UTY: variants seen among roughly 807,000 people sequenced by gnomAD.
UTY encodes the protein histone demethylase UTY.
A neutral mutation model predicts 32.5 loss-of-function variants in UTY; 12 were observed. That is an observed-to-expected ratio of 0.37 (90% CI 0.24 to 0.60). The LOEUF (loss-of-function observed/expected upper bound fraction) is 0.60, where lower values mean the gene tolerates loss of function less well. UTY is among the 20% of genes least tolerant of loss of function. The pLI, the probability that UTY is intolerant of heterozygous loss-of-function variation, is 0.69. For synonymous variants in UTY, 131 were observed against 103.4 expected (o/e 1.27, Z -1.62); for missense variants, 303 against 299.2 (o/e 1.01, Z -0.09).
chrY:13,273,667 AG>A (rs531475118), intron 27 of UTY, among the ~76,000 whole-genome samples: 1,859 of 32,250 alleles, frequency 0.058, no homozygotes, highest in South Asian at 0.3. Flanking sequence ...ACACAGATAA[AG>A]GGCAGGAACA....
chrY:13,358,126 A>G (rs2063149004), intron 14 of UTY, among the ~76,000 whole-genome samples, 157 bp from the exon 15 acceptor site: 1 of 33,965 alleles, frequency 2.9e-5, no homozygotes, highest in Non-Finnish European at 7.3e-5. Context: ...TAATTAATTC[A>G]TAAACTTACA....
At position 13,302,990 on chromosome Y, in the gene UTY, A is replaced by G; in HGVS notation, c.3567T>C (p.Gly1189=). The G allele has an allele frequency of 3.0e-6, 1 of 332,639 alleles. No homozygotes were observed. The highest frequency in any genetic ancestry group is 4.4e-6 in the Non-Finnish European group (1 of 228,244). The allele number at this position is 332,639 out of a possible 400,897, so 83.0% of individuals were successfully genotyped here. A position where few individuals can be genotyped will look rare whatever the true frequency, so the allele number is the denominator to read the frequency against. Residue 1189 remains glycine, a splice_region_variant and synonymous_variant, in exon 25 of 30, where the codon GGT becomes GGC. Coordinates refer to ENST00000545955, the MANE Select transcript of UTY (RefSeq NM_001258249.2). ...AGCAGAAGTTGTTATTTTCTTGGTG[A>G]CCTGAAAAGTAAAAGAAAATGTAAG... is the stretch of plus-strand genomic sequence containing the variant. ...YMKVPGSRTP[G]HQENNNFCSV... is the part of the protein sequence containing the mutation.
At chrY:13,286,707 C>A (rs2057383364) in intron 27 of UTY, 1 of 365,494 alleles carries the variant, frequency 2.7e-6, no homozygotes, top group Non-Finnish European at 3.9e-6. Flanking sequence ...TCGGCTCTAC[C>A]AAGTAGAATA....
intron 27 of UTY, among the ~76,000 whole-genome samples, chrY:13,282,336 T>A: frequency 3.0e-5 from 1 of 33,002 alleles, no homozygotes; most frequent in South Asian, 7.0e-4. Flanking sequence ...TATTGTTTTA[T>A]ACTCAGTACT....
chrY:13,443,303 C>A (rs2075390804), intron 4 of UTY, among the ~76,000 whole-genome samples: 1 of 33,242 alleles, frequency 3.0e-5, no homozygotes, highest in South Asian at 6.8e-4. Context: ...TGCCTCCAGA[C>A]CCCCGCATAT....
chrY:13,408,754 A>G, intron 6 of UTY, among the ~76,000 whole-genome samples: 1 of 32,781 alleles, frequency 3.1e-5, no homozygotes, highest in African/African-American at 1.2e-4. Context: ...GGGAAAACTT[A>G]AGAAATAAAA....
chrY:13,329,681 C>T (rs938339024), intron 18 of UTY, among the ~76,000 whole-genome samples: 17 of 33,632 alleles, frequency 5.1e-4, no homozygotes, highest in Non-Finnish European at 8.1e-4. Flanking sequence ...AATTATATCT[C>T]AATAAAGCTG....
chrY:13,459,441 T>C (rs758501173), intron 3 of UTY, among the ~76,000 whole-genome samples: 1 of 33,450 alleles, frequency 3.0e-5, no homozygotes, highest in Admixed American at 2.7e-4. Flanking sequence ...TAACATTTTA[T>C]GTCTTCTAAA....
At chrY:13,249,975 T>A in intron 29 of UTY, 93 bp from the exon 30 acceptor site, 1 of 101,671 alleles carries the variant, frequency 9.8e-6, no homozygotes, top group Non-Finnish European at 1.9e-5. Flanking sequence ...GAAGTGAGTT[T>A]ACAAGATACA....
intron 27 of UTY, among the ~76,000 whole-genome samples, chrY:13,295,877 C>G (rs903158525): frequency 1.2e-4 from 4 of 34,303 alleles, no homozygotes; most frequent in African/African-American, 4.6e-4. Context: ...AGCTGCTCCA[C>G]TCACGTGGCT....
intron 8 of UTY, among the ~76,000 whole-genome samples, chrY:13,374,453 G>A: frequency 6.0e-5 from 2 of 33,392 alleles, no homozygotes; most frequent in Non-Finnish European, 1.5e-4. Flanking sequence ...TTAGCAAAGC[G>A]GTTTGGGAAC....
intron 17 of UTY, among the ~76,000 whole-genome samples, chrY:13,347,286 T>C (rs2061986573): frequency 3.0e-5 from 1 of 33,334 alleles, no homozygotes; most frequent in East Asian, 7.7e-4. Flanking sequence ...CTAGCACAGC[T>C]TCAGGGTCAC....
chrY:13,427,242 A>G (rs2073421820), intron 4 of UTY, among the ~76,000 whole-genome samples: 1 of 33,974 alleles, frequency 2.9e-5, no homozygotes, highest in Non-Finnish European at 7.4e-5. Flanking sequence ...TCTACTAGAG[A>G]AAAATCACTT....
chrY:13,375,301 C>T, intron 8 of UTY, among the ~76,000 whole-genome samples: 1 of 34,007 alleles, frequency 2.9e-5, no homozygotes, highest in East Asian at 7.5e-4. Context: ...ATGTTCCATT[C>T]TGGAATTTCC....
intron 27 of UTY, among the ~76,000 whole-genome samples, chrY:13,260,942 G>A: frequency 3.0e-5 from 1 of 33,525 alleles, no homozygotes; most frequent in Non-Finnish European, 7.4e-5. Context: ...TTTGAAAATG[G>A]TATAGTAGAA....
chrY:13,281,851 A>G, intron 27 of UTY, among the ~76,000 whole-genome samples: 2 of 33,139 alleles, frequency 6.0e-5, no homozygotes, highest in African/African-American at 2.4e-4. Flanking sequence ...AGGGCAAGTC[A>G]GATCATTCAG....
At chrY:13,257,207 A>G in intron 28 of UTY, among the ~76,000 whole-genome samples, 3 of 33,906 alleles carry the variant, frequency 8.8e-5, no homozygotes, top group African/African-American at 3.4e-4. Flanking sequence ...CTACATGCCA[A>G]TCAGGAGAGT....
chrY:13,346,900 A>G, intron 17 of UTY, among the ~76,000 whole-genome samples: 1 of 33,238 alleles, frequency 3.0e-5, no homozygotes. Context: ...CCAACGGTAC[A>G]CAGACATACC....
At chrY:13,452,135 G>A (rs916523414) in intron 3 of UTY, among the ~76,000 whole-genome samples, 16 of 33,064 alleles carry the variant, frequency 4.8e-4, no homozygotes, top group Admixed American at 1.6e-3. Context: ...TTTGGGGGCC[G>A]AGGTGGGTGG....
Sources: gnomAD v4.1 joint callset for allele counts (sites outside exome capture counted in the v4.1 genomes callset) on GRCh38, gnomAD v4.1.1 for gene constraint, MANE v1.5 for transcripts, NCBI Gene and HGNC (gene_info 2026-07-23, HGNC 2026-07-21) for gene names.